The following TIAM1 variants were observed in gnomAD, a reference collection of about 807,000 sequenced individuals.
TIAM1 encodes TIAM Rac1 associated GEF 1.
A neutral mutation model predicts 163.5 loss-of-function variants in TIAM1; 65 were observed. The observed-to-expected ratio is 0.40, with a 90% CI of 0.33 to 0.49. The LOEUF is 0.49. Ranked by LOEUF, TIAM1 falls within the 20% of genes least tolerant of loss-of-function variation. The pLI is 0.77. For synonymous variants in TIAM1, 833 were observed against 810.1 expected (o/e 1.03, Z -0.48); for missense variants, 1,789 against 2,044.7 (o/e 0.87, Z 2.41).
chr21:31,130,157 T>G (rs2082355789), intron 25 of TIAM1, 56 bp downstream of exon 25: 1 of 1,462,794 alleles, frequency 6.8e-7, no homozygotes, highest in Non-Finnish European at 9.6e-7. Context: ...AAACAAATAA[T>G]TCCTACACAC....
chr21:31,478,365 A>T (rs943892321), intron 1 of TIAM1, among the ~76,000 whole-genome samples: 2 of 152,204 alleles, frequency 1.3e-5, no homozygotes, highest in African/African-American at 4.8e-5. Context: ...TAAAAAGTTT[A>T]AAAAAATCAA....
intron 2 of TIAM1, among the ~76,000 whole-genome samples, chr21:31,406,089 G>A (rs780691239): frequency 5.3e-5 from 8 of 151,896 alleles, no homozygotes; most frequent in Non-Finnish European, 8.8e-5. Context: ...AGCCCTGCTG[G>A]TGATCACTGG....
In TIAM1 at chr21:31,217,718, A is replaced by G. The variant is rs754586552; in HGVS notation, c.1996-19T>C. On this transcript the variant is annotated intron_variant, in intron 8 of 27. Coordinates refer to ENST00000541036, the MANE Select transcript of TIAM1 (RefSeq NM_001353694.2). ...CTGCCACCTGAGGATGGCAAGGACA[A>G]GCAGCCACAAGGGAGATGCATCAGG... is the stretch of plus-strand genomic sequence containing the variant. The G allele has an allele frequency of 3.1e-6, 5 of 1,611,760 alleles. No individual in the cohort carries two copies. In the South Asian group the frequency reaches 5.5e-5, roughly 18 times the overall value.
intron 2 of TIAM1, among the ~76,000 whole-genome samples, chr21:31,318,184 G>A (rs954382591): frequency 6.6e-6 from 1 of 152,158 alleles, no homozygotes; most frequent in African/African-American, 2.4e-5. Flanking sequence ...TGCAACTTCT[G>A]CCTCCCAGGC....
chr21:31,126,001 A>T (rs554776009), intron 26 of TIAM1, among the ~76,000 whole-genome samples: 24 of 152,340 alleles, frequency 1.6e-4, no homozygotes, highest in Admixed American at 3.9e-4. Flanking sequence ...TGCCATTAAA[A>T]GTAATGGCAC....
intron 1 of TIAM1, among the ~76,000 whole-genome samples, chr21:31,479,365 ATGAT>A (rs1469838276): frequency 7.9e-6 from 1 of 126,282 alleles, no homozygotes; most frequent in Non-Finnish European, 1.7e-5. Flanking sequence ...ATGTGGATGG[ATGAT>A]TGGATGGATG....
intron 2 of TIAM1, among the ~76,000 whole-genome samples, chr21:31,391,346 C>T (rs1195869911): frequency 6.6e-6 from 1 of 152,010 alleles, no homozygotes; most frequent in African/African-American, 2.4e-5. Flanking sequence ...AAGTCTAGGC[C>T]GGGCGCAATG....
intron 1 of TIAM1, among the ~76,000 whole-genome samples, chr21:31,522,017 G>A (rs572203955): frequency 1.2e-4 from 18 of 151,950 alleles, no homozygotes; most frequent in Middle Eastern, 6.8e-3. Flanking sequence ...GACTAGAGGC[G>A]CCTGCAACCA....
At chr21:31,151,866 T>A (rs1300187158) in intron 19 of TIAM1, among the ~76,000 whole-genome samples, 1 of 152,092 alleles carries the variant, frequency 6.6e-6, no homozygotes, top group Non-Finnish European at 1.5e-5. Context: ...GAAATAAGCA[T>A]CCTTGCTAAG....
At chr21:31,504,509 A>G (rs1250101266) in intron 1 of TIAM1, among the ~76,000 whole-genome samples, 1 of 152,198 alleles carries the variant, frequency 6.6e-6, no homozygotes, top group Non-Finnish European at 1.5e-5. Context: ...CAGAAGCAAT[A>G]TGGGGAGCTG....
At chr21:31,491,249 G>A (rs1434541867) in intron 1 of TIAM1, among the ~76,000 whole-genome samples, 1 of 152,234 alleles carries the variant, frequency 6.6e-6, no homozygotes, top group African/African-American at 2.4e-5. Context: ...TGATTCTGAT[G>A]CCATCACTGC....
chr21:31,346,109 G>C (rs1046961655), upstream of TIAM1, among the ~76,000 whole-genome samples: 1 of 151,958 alleles, frequency 6.6e-6, no homozygotes, highest in Non-Finnish European at 1.5e-5. Context: ...CTAGTAGGTA[G>C]AGTCCAGAGA....
chr21:31,553,782 C>G (rs1002248965), intron 1 of TIAM1, among the ~76,000 whole-genome samples: 5 of 152,040 alleles, frequency 3.3e-5, no homozygotes, highest in East Asian at 1.9e-4. Flanking sequence ...AACAAGCAGA[C>G]GTCACTATTG....
At chr21:31,240,537 G>A (rs1466686201) in intron 6 of TIAM1, among the ~76,000 whole-genome samples, 1 of 152,038 alleles carries the variant, frequency 6.6e-6, no homozygotes, top group Non-Finnish European at 1.5e-5. Flanking sequence ...GCATTCCAAG[G>A]TAGATCTCTA....
At chr21:31,476,257 GTT>G (rs2045932868) in intron 1 of TIAM1, among the ~76,000 whole-genome samples, 1 of 152,208 alleles carries the variant, frequency 6.6e-6, no homozygotes, top group African/African-American at 2.4e-5. Context: ...CTTTGCCAGA[GTT>G]ATAAAAATGT....
chr21:31,154,265 C>T lies in TIAM1; in HGVS notation c.3153G>A (p.Thr1051=), dbSNP rs147935563. The part of the protein sequence containing the change: ...LRKVICELLE[T]ERTYVKDLNC... ...AACATACCTTCACGTAGGTGCGCTCCGTCTCCAGGAGCTCGCAGATCACCT... is the reference window on the plus strand; with the variant it reads ...AACATACCTTCACGTAGGTGCGCTCTGTCTCCAGGAGCTCGCAGATCACCT... Residue 1051 remains threonine, a synonymous_variant, in exon 17 of 28, where the codon ACG becomes ACA. Transcript: ENST00000541036. 1.4e-4 allele frequency: 221 copies of T among 1,613,798 alleles called. 1 individual carries two copies. Among genetic ancestry groups the T allele is most frequent in the South Asian group, 1.9e-4 (17 of 91,076 alleles).
chr21:31,282,710 CA>C (rs1391568148), intron 2 of TIAM1, among the ~76,000 whole-genome samples: 1 of 152,222 alleles, frequency 6.6e-6, no homozygotes, highest in Non-Finnish European at 1.5e-5. Flanking sequence ...TCCCTCCGAA[CA>C]GATGAATGAG....
At chr21:31,162,855 A>C (rs1331531669) in intron 16 of TIAM1, among the ~76,000 whole-genome samples, 1 of 152,120 alleles carries the variant, frequency 6.6e-6, no homozygotes, top group Non-Finnish European at 1.5e-5. Flanking sequence ...GAACAGCACC[A>C]TCTATTTCTA....
At chr21:31,558,068 G>GCA in intron 1 of TIAM1, among the ~76,000 whole-genome samples, 1 of 152,278 alleles carries the variant, frequency 6.6e-6, no homozygotes, top group East Asian at 1.9e-4. Flanking sequence ...GAGGGGGCAA[G>GCA]CGGCAGCCGC....
Sources: allele counts gnomAD v4.1 joint callset (sites outside exome capture counted in the v4.1 genomes callset), GRCh38; gene constraint gnomAD v4.1.1; transcripts MANE v1.5; gene names NCBI Gene and HGNC (gene_info 2026-07-23, HGNC 2026-07-21).